The following CCDC102B variants were observed in gnomAD, a reference collection of about 807,000 sequenced individuals.
The protein encoded by CCDC102B is coiled-coil domain containing 102B, also known as coiled-coil domain-containing protein 102B.
CCDC102B carries 75 observed loss-of-function variants against 57.4 expected under a neutral mutation model. The ratio of observed to expected loss-of-function variants is 1.31; its 90% CI spans 1.08 to 1.58. The LOEUF (loss-of-function observed/expected upper bound fraction) is 1.58. Ranked by LOEUF, CCDC102B falls within the 40% of genes most tolerant of loss-of-function variation. The pLI, the probability that CCDC102B is intolerant of heterozygous loss-of-function variation, is 0.00. For synonymous variants in CCDC102B, 206 were observed against 201.9 expected (o/e 1.02, Z -0.17); for missense variants, 636 against 582.6 (o/e 1.09, Z -0.94).
exon 1 of CCDC102B, chr18:68,715,338 G>A (rs1013030504): frequency 1.1e-6 from 1 of 935,852 alleles, no homozygotes; most frequent in Non-Finnish European, 1.4e-6. Context: ...GGTGAATACC[G>A]GTGAAAGTTA....
chr18:68,792,514 C>T (rs1051546926), intron 2 of CCDC102B, among the ~76,000 whole-genome samples: 2 of 152,170 alleles, frequency 1.3e-5, no homozygotes, highest in Non-Finnish European at 2.9e-5. Flanking sequence ...GCAGTTAGGT[C>T]AACATAACTA....
chr18:68,843,071 A>G (rs1265113893), intron 3 of CCDC102B, among the ~76,000 whole-genome samples: 1 of 152,158 alleles, frequency 6.6e-6, no homozygotes, highest in Non-Finnish European at 1.5e-5. Context: ...TATCTTTTCT[A>G]ATTAAATTAA....
chr18:68,845,211 A>T (rs1348618015), intron 3 of CCDC102B, among the ~76,000 whole-genome samples: 1 of 151,894 alleles, frequency 6.6e-6, no homozygotes, highest in Non-Finnish European at 1.5e-5. Flanking sequence ...TGTTACCAGG[A>T]AGAATCATTT....
intron 2 of CCDC102B, among the ~76,000 whole-genome samples, chr18:68,744,580 G>C (rs1251182188): frequency 1.3e-5 from 2 of 152,088 alleles, no homozygotes; most frequent in African/African-American, 2.4e-5. Context: ...CAACCACCTG[G>C]TGTAGTAACC....
At chr18:68,765,849 T>G (rs1357642712) in intron 2 of CCDC102B, among the ~76,000 whole-genome samples, 3 of 151,988 alleles carry the variant, frequency 2.0e-5, no homozygotes, top group African/African-American at 7.3e-5. Flanking sequence ...TTTCTTTCTT[T>G]TTTTTAGTTT....
intron 2 of CCDC102B, among the ~76,000 whole-genome samples, chr18:68,745,357 C>A (rs970138309): frequency 2.0e-5 from 3 of 152,068 alleles, no homozygotes; most frequent in Non-Finnish European, 4.4e-5. Context: ...AACTAGGAAG[C>A]GTATTCTCTC....
chr18:68,751,090 G>T (rs776070997), intron 2 of CCDC102B, among the ~76,000 whole-genome samples: 22 of 151,878 alleles, frequency 1.4e-4, no homozygotes, highest in Non-Finnish European at 3.1e-4. Flanking sequence ...TAAAACAATA[G>T]AAAATAAAAA....
intron 2 of CCDC102B, among the ~76,000 whole-genome samples, chr18:68,730,977 T>C (rs1401782738): frequency 1.3e-5 from 2 of 152,186 alleles, no homozygotes; most frequent in African/African-American, 4.8e-5. Flanking sequence ...AGATGTTTAT[T>C]TTTTAAATTT....
At chr18:68,809,014 CAT>C (rs1157159896) in intron 1 of CCDC102B, among the ~76,000 whole-genome samples, 17 of 152,084 alleles carry the variant, frequency 1.1e-4, no homozygotes, top group Admixed American at 9.2e-4. Context: ...ATAGATTAAT[CAT>C]GTGTTTTAAG....
Position 68,957,428 on chromosome 18 carries a change from T to C in CCDC102B, c.1264-53506T>C, listed in dbSNP as rs528154738. Among the ~76,000 whole-genome samples the C allele has an allele frequency of 2.4e-4, 36 of 152,214 alleles. No homozygotes were observed. In the South Asian group the frequency reaches 6.2e-3, roughly 26 times the overall value. ...GTTGAAAATGAGTTCATTTTAGAGGTATAGATTTATTTCTGGATTATCTAA... is the reference window on the plus strand; with the variant it reads ...GTTGAAAATGAGTTCATTTTAGAGGCATAGATTTATTTCTGGATTATCTAA... On this transcript the variant is annotated intron_variant, in intron 6 of 7. Transcript: ENST00000360242.
intron 2 of CCDC102B, among the ~76,000 whole-genome samples, chr18:68,768,622 A>G (rs2034541883): frequency 6.6e-6 from 1 of 152,202 alleles, no homozygotes; most frequent in South Asian, 2.1e-4. Context: ...AGTTCAATAT[A>G]GTGAGATTTG....
chr18:68,858,033 C>T lies in CCDC102B; in HGVS notation c.936+11612C>T, dbSNP rs181877252. On this transcript the variant is annotated intron_variant, in intron 4 of 7. Coordinates refer to ENST00000360242, the MANE Select transcript of CCDC102B (RefSeq NM_024781.3). Reference sequence around the variant, plus strand: ...GACTTAATCTATCTGGGATTCTCCCCACTGTCCTCAGAAAGATGTCTCAAT... The same window carrying T: ...GACTTAATCTATCTGGGATTCTCCCTACTGTCCTCAGAAAGATGTCTCAAT... Among the ~76,000 whole-genome samples the T allele has an allele frequency of 5.5e-4, 83 of 152,290 alleles. No homozygotes were observed. In the East Asian group the frequency reaches 0.01, roughly 18 times the overall value.
downstream of CCDC102B, among the ~76,000 whole-genome samples, chr18:69,057,069 C>A (rs1030121149): frequency 6.6e-6 from 1 of 152,000 alleles, no homozygotes; most frequent in African/African-American, 2.4e-5. Context: ...CTTTATTTGT[C>A]CAGCCTCCAG....
intron 6 of CCDC102B, among the ~76,000 whole-genome samples, chr18:68,909,282 TA>T (rs770026780): frequency 5.3e-5 from 8 of 151,850 alleles, no homozygotes; most frequent in Non-Finnish European, 1.0e-4. Flanking sequence ...TCTGTTTGTG[TA>T]AATTAAAAGG....
At chr18:68,851,751 G>C (rs983652896) in intron 4 of CCDC102B, among the ~76,000 whole-genome samples, 1 of 152,128 alleles carries the variant, frequency 6.6e-6, no homozygotes, top group African/African-American at 2.4e-5. Context: ...AGTCTAGACA[G>C]TTAATAGTTT....
chr18:68,951,313 A>G (rs2145196683), intron 6 of CCDC102B, among the ~76,000 whole-genome samples: 1 of 152,314 alleles, frequency 6.6e-6, no homozygotes, highest in East Asian at 1.9e-4. Flanking sequence ...GTCCATCTCA[A>G]GAAATAAAAT....
At chr18:68,952,338 A>G (rs2049721948) in intron 6 of CCDC102B, among the ~76,000 whole-genome samples, 1 of 152,110 alleles carries the variant, frequency 6.6e-6, no homozygotes, top group Non-Finnish European at 1.5e-5. Context: ...ATAAAATCAT[A>G]TTGGAAACTG....
intron 2 of CCDC102B, among the ~76,000 whole-genome samples, chr18:68,765,396 A>AAAGG (rs1225172011): frequency 6.7e-5 from 10 of 149,796 alleles, no homozygotes; most frequent in Admixed American, 2.7e-4. Context: ...GAAAGAAAAG[A>AAAGG]AAGGAAGGAA....
intron 6 of CCDC102B, chr18:68,897,812 G>A: frequency 5.7e-6 from 2 of 352,136 alleles, no homozygotes; most frequent in South Asian, 2.4e-5. Context: ...AGCATTTGCT[G>A]GTAGCTATGG....
Sources: allele counts gnomAD v4.1 joint callset (sites outside exome capture counted in the v4.1 genomes callset), GRCh38; gene constraint gnomAD v4.1.1; transcripts MANE v1.5; gene names NCBI Gene and HGNC (gene_info 2026-07-23, HGNC 2026-07-21).